Variants in WDR31 observed in about 807,000 individuals in gnomAD.
WDR31 encodes WD repeat domain 31.
WDR31 carries 30 observed loss-of-function variants against 47.3 expected under a neutral mutation model. That is an observed-to-expected ratio of 0.63 (90% CI 0.47 to 0.86). The LOEUF (loss-of-function observed/expected upper bound fraction) is 0.86, where lower values mean the gene tolerates loss of function less well. Ranked by LOEUF, WDR31 falls within the 40% of genes least tolerant of loss-of-function variation. WDR31 has a pLI of 0.00. For missense variants in WDR31, 406 were observed against 442.9 expected (o/e 0.92, Z 0.75); for synonymous variants, 137 against 159.4 (o/e 0.86, Z 1.06).
At position 113,318,493 on chromosome 9, in the gene WDR31, A is replaced by C; in HGVS notation, c.925T>G (p.Trp309Gly). 1 of 1,614,232 alleles carries C rather than the reference A, an allele frequency of 6.2e-7. No individual in the cohort carries two copies. Among genetic ancestry groups the C allele is most frequent in the Non-Finnish European group, 8.5e-7 (1 of 1,180,036 alleles). ...TGCTTACCTCCAGTATCTTGGTTCCAAATCTTCACCTTGCAATCATGTGAT... is the reference window on the plus strand; with the variant it reads ...TGCTTACCTCCAGTATCTTGGTTCCCAATCTTCACCTTGCAATCATGTGAT... ...TSSHDCKVKI[W>G]NQDTGACLFT... The change falls in exon 10 of 11, where the codon TGG (tryptophan) becomes GGG (glycine). Residue 309 changes from tryptophan to glycine, a missense_variant. Coordinates refer to ENST00000374193, the MANE Select transcript of WDR31 (RefSeq NM_001012361.4).
rs570292004 is a variant in WDR31, at chr9:113,323,770, T to C, written c.325-615A>G. Among the ~76,000 whole-genome samples, 16 of 152,340 alleles carry C rather than the reference T, an allele frequency of 1.1e-4. No individual in the cohort carries two copies. In the East Asian group the frequency reaches 2.3e-3, roughly 22 times the overall value. ...GATGTATCCCCTCTTGGGCTTCCTA[T>C]AGAACTTCCTCCTGTGGGATTCCTT... is the stretch of plus-strand genomic sequence containing the variant. On this transcript the variant is annotated intron_variant, in intron 5 of 10. Coordinates refer to ENST00000374193, the MANE Select transcript of WDR31 (RefSeq NM_001012361.4).
At chr9:113,322,689 G>A in intron 7 of WDR31, 122 bp downstream of exon 7, 1 of 888,706 alleles carries the variant, frequency 1.1e-6, no homozygotes, top group Non-Finnish European at 1.7e-6. Flanking sequence ...CAGGTTAGGG[G>A]ACAGCAATTG....
Position 113,316,914 on chromosome 9 carries a change from G to A in WDR31, c.944-5C>T, listed in dbSNP as rs183964776. On this transcript the variant is annotated splice_polypyrimidine_tract_variant and splice_region_variant and intron_variant, in intron 10 of 10. Coordinates refer to ENST00000374193, the MANE Select transcript of WDR31 (RefSeq NM_001012361.4). Reference sequence around the variant, plus strand: ...GAGACAAGGTGAAAAGGCAGGCTGGGGGGGAAAGGGGGACCAGCAGATTAG... The same window carrying A: ...GAGACAAGGTGAAAAGGCAGGCTGGAGGGGAAAGGGGGACCAGCAGATTAG... 5.6e-6 allele frequency: 9 copies of A among 1,612,746 alleles called. No homozygotes were observed. Among genetic ancestry groups the A allele is most frequent in the South Asian group, 4.4e-5 (4 of 90,934 alleles).
chr9:113,320,518 G>T lies in WDR31; in HGVS notation c.639-20C>A. On this transcript the variant is annotated intron_variant, in intron 8 of 10. Transcript: ENST00000374193. ...CATAATCTGAAAGAGATTAGGGCAG[G>T]AAATTAGCTTGTAGTAAATGTGGCT... 1 of 1,609,630 alleles carries T rather than the reference G, an allele frequency of 6.2e-7. No individual in the cohort carries two copies. The highest frequency in any genetic ancestry group is 8.5e-7 in the Non-Finnish European group (1 of 1,177,496).
chr9:113,332,121 C>T (rs1833612459), intron 2 of WDR31, 71 bp from the exon 3 acceptor site: 1 of 1,092,666 alleles, frequency 9.2e-7, no homozygotes, highest in South Asian at 1.4e-5. Flanking sequence ...GAAAATAAAT[C>T]CTTTTTTAGA....
At chr9:113,320,270 C>T in intron 9 of WDR31, 87 bp downstream of exon 9, 2 of 1,519,440 alleles carry the variant, frequency 1.3e-6, no homozygotes, top group Non-Finnish European at 8.9e-7. Context: ...GCAAAGCCCG[C>T]CTGTGTAGCA....
rs1398425191 is a variant in WDR31 at position 113,314,445 on chromosome 9, C to T, written c.*2304G>A. Reference sequence around the variant, plus strand: ...GGCCAGGATGGTCTCGATCTCTTGACCTTGTGATCTGCCCGCCTAGGCCTC... The same window carrying T: ...GGCCAGGATGGTCTCGATCTCTTGATCTTGTGATCTGCCCGCCTAGGCCTC... On this transcript the variant is annotated 3_prime_UTR_variant, in exon 11 of 11. Coordinates refer to ENST00000374193, the MANE Select transcript of WDR31 (RefSeq NM_001012361.4). The T allele has an allele frequency of 2.0e-5, 3 of 151,596 alleles. No individual in the cohort carries two copies. The highest frequency in any genetic ancestry group is 4.4e-5 in the Non-Finnish European group (3 of 67,976). 9.4% of individuals were successfully genotyped at this position (151,596 alleles called of 1,614,324 possible).
intron 1 of WDR31, among the ~76,000 whole-genome samples, chr9:113,338,246 G>A (rs1235190978): frequency 1.3e-5 from 2 of 152,168 alleles, no homozygotes; most frequent in Non-Finnish European, 2.9e-5. Context: ...ACGGATATAT[G>A]AATCTAGAGG....
At position 113,320,408 on chromosome 9, in the gene WDR31, G is replaced by T. The variant is rs1250042395; in HGVS notation, c.729C>A (p.His243Gln). The T allele has an allele frequency of 1.2e-6, 2 of 1,614,236 alleles. No homozygotes were observed. Among genetic ancestry groups the T allele is most frequent in the South Asian group, 2.2e-5 (2 of 91,084 alleles). The change falls in exon 9 of 11, where the codon CAC becomes CAA. Residue 243 changes from histidine to glutamine, a missense_variant. Transcript: ENST00000374193. ...QTYCEVSVDGHKCISCSNGFG... is the reference protein window; with the variant it reads ...QTYCEVSVDGQKCISCSNGFG... ...AGCCATTGCTGCAGGAGATACACTT[G>T]TGTCCATCCACACTGACTTCACAGT...
In WDR31 at chr9:113,318,518, T is replaced by C. The variant is rs368899617; in HGVS notation, c.900A>G (p.Ser300=). The C allele has an allele frequency of 1.9e-5, 30 of 1,614,226 alleles. No homozygotes were observed. Among genetic ancestry groups the C allele is most frequent in the Non-Finnish European group, 2.5e-5 (29 of 1,180,044 alleles). Residue 300 remains serine (S), a synonymous_variant, in exon 10 of 11, where the codon TCA becomes TCG. Coordinates refer to ENST00000374193, the MANE Select transcript of WDR31 (RefSeq NM_001012361.4). ...ALALMPLIAT[S]SHDCKVKIWN... ...AAATCTTCACCTTGCAATCATGTGA[T>C]GAGGTAGCAATTAAAGGCATCAAGG...
intron 2 of WDR31, among the ~76,000 whole-genome samples, chr9:113,332,359 C>T (rs1014700310): frequency 1.3e-5 from 2 of 152,216 alleles, no homozygotes; most frequent in African/African-American, 4.8e-5. Flanking sequence ...TTCACAGCAG[C>T]ACTGTTCACA....
chr9:113,329,047 C>T, intron 4 of WDR31, 92 bp from the exon 5 acceptor site: 1 of 1,182,628 alleles, frequency 8.5e-7, no homozygotes, highest in South Asian at 1.2e-5. Flanking sequence ...TCTCCCTCCT[C>T]ACTCACTCCC....
At chr9:113,322,937 G>T in intron 6 of WDR31, 26 bp from the exon 7 acceptor site, 1 of 1,614,100 alleles carries the variant, frequency 6.2e-7, no homozygotes, top group Non-Finnish European at 8.5e-7. Flanking sequence ...TGAGAAGACA[G>T]CCTGTGAGTG....
At chr9:113,339,983 C>T (rs1005060972) in intron 1 of WDR31, among the ~76,000 whole-genome samples, 3 of 152,208 alleles carry the variant, frequency 2.0e-5, no homozygotes, top group Admixed American at 2.0e-4. Flanking sequence ...AATCCACCCG[C>T]CTCGGCCTCC....
chr9:113,323,547 C>A (rs1030525934), intron 5 of WDR31, among the ~76,000 whole-genome samples: 1 of 152,212 alleles, frequency 6.6e-6, no homozygotes, highest in Non-Finnish European at 1.5e-5. Context: ...CAGGCATGAG[C>A]CACTGTGCCC....
rs1301711192 is a variant in WDR31, at chr9:113,316,832, A to G, written c.1021T>C (p.Cys341Arg). ...LAVGDAISLL[C>R]ASFNRGIHLL... ...TGAATTCCTCTGTTAAAACTTGCAC[A>G]CAATAAGGAGATGGCGTCACCAACA... is the stretch of plus-strand genomic sequence containing the variant. The change falls in exon 11 of 11, where the codon TGT (cysteine) becomes CGT (arginine). Residue 341 changes from cysteine (C) to arginine (R), a missense_variant. Transcript: ENST00000374193. 6.2e-7 allele frequency: 1 copy of G among 1,614,168 alleles called. No individual in the cohort carries two copies. Among genetic ancestry groups the G allele is most frequent in the South Asian group, 1.1e-5 (1 of 91,074 alleles).
At chr9:113,326,099 CG>C (rs1564304608) in intron 5 of WDR31, among the ~76,000 whole-genome samples, 2 of 152,020 alleles carry the variant, frequency 1.3e-5, no homozygotes, top group South Asian at 2.1e-4. Flanking sequence ...TTAGTAGAGA[CG>C]GGGTTTCTCC....
At chr9:113,333,950 C>A (rs1376163440) in intron 2 of WDR31, among the ~76,000 whole-genome samples, 4 of 151,750 alleles carry the variant, frequency 2.6e-5, no homozygotes, top group African/African-American at 4.8e-5. Flanking sequence ...TTTCTCTCCT[C>A]CTTCTTCCTT....
intron 8 of WDR31, among the ~76,000 whole-genome samples, chr9:113,321,242 C>A (rs112757440): frequency 6.6e-6 from 1 of 152,220 alleles, no homozygotes; most frequent in Admixed American, 6.5e-5. Flanking sequence ...ATCTGAACAC[C>A]TTCACACAGC....
Sources: gnomAD v4.1 joint callset for allele counts (sites outside exome capture counted in the v4.1 genomes callset) on GRCh38, gnomAD v4.1.1 for gene constraint, MANE v1.5 for transcripts, NCBI Gene and HGNC (gene_info 2026-07-23, HGNC 2026-07-21) for gene names.